HMCES: variants seen among roughly 807,000 people sequenced by gnomAD.
HMCES encodes the protein 5-hydroxymethylcytosine binding, ES cell specific, also known as abasic site processing protein HMCES.
In HMCES, 27 loss-of-function variants were observed where a neutral mutation model predicts 35.1. The ratio of observed to expected loss-of-function variants is 0.77; its 90% CI spans 0.57 to 1.06. The LOEUF (loss-of-function observed/expected upper bound fraction) is 1.06, where lower values mean the gene tolerates loss of function less well. Ranked by LOEUF, HMCES falls within the 50% of genes least tolerant of loss-of-function variation. HMCES has a pLI of 0.00. For synonymous variants in HMCES, 130 were observed against 154.7 expected (o/e 0.84, Z 1.18); for missense variants, 391 against 430.4 (o/e 0.91, Z 0.81).
chr3:129,304,808 C>T lies in HMCES; in HGVS notation c.1048C>T (p.Arg350Cys), dbSNP rs369963919. 62 of 1,613,954 alleles carry T rather than the reference C, an allele frequency of 3.8e-5. No homozygotes were observed. Among genetic ancestry groups the T allele is most frequent in the Non-Finnish European group, 5.1e-5 (60 of 1,179,958 alleles). ...GAAGGAGGAGGAACCTGTGGCCAAG[C>T]GTCCTTACAGCCAGTGACACAGGAC... ...REKEEEPVAKRPYSQ is the reference protein window; with the variant it reads ...REKEEEPVAKCPYSQ The change falls in exon 7 of 7, where the codon CGT becomes TGT. Residue 350 changes from arginine (R) to cysteine (C), a missense_variant. Physicochemically the swap from Arg to Cys is radical, Grantham distance 180 (BLOSUM62 -3). Coordinates refer to ENST00000383463, the MANE Select transcript of HMCES (RefSeq NM_020187.3).
At position 129,279,754 on chromosome 3, in the gene HMCES, C is replaced by A; in HGVS notation, c.22C>A (p.His8Asn). The A allele has an allele frequency of 1.2e-6, 2 of 1,612,838 alleles. No individual in the cohort carries two copies. The highest frequency in any genetic ancestry group is 1.7e-5 in the Admixed American group (1 of 59,592). MCGRTSCHLPRDVLTRAC... is the reference protein window; with the variant it reads MCGRTSCNLPRDVLTRAC... ...AAGAATGTGTGGGCGAACATCCTGTCACTTACCTAGAGATGTTCTCACGAG... is the reference window on the plus strand; with the variant it reads ...AAGAATGTGTGGGCGAACATCCTGTAACTTACCTAGAGATGTTCTCACGAG... Residue 8 changes from histidine to asparagine, a missense_variant, in exon 2 of 7, where the codon CAC (histidine) becomes AAC (asparagine). Coordinates refer to ENST00000383463, the MANE Select transcript of HMCES (RefSeq NM_020187.3). This position sits in a 1 kb window ranked among gnomAD's most constrained non-coding sequence, Gnocchi z 4.2.
At position 129,301,941 on chromosome 3, in the gene HMCES, C is replaced by T. The variant is rs780137547; in HGVS notation, c.636-9C>T. ...CTCTCCCAACCATTGTCTTAACTTC[C>T]CTGGCCAGGATGCCTGCCATATTAG... is the stretch of plus-strand genomic sequence containing the variant. On this transcript the variant is annotated splice_polypyrimidine_tract_variant and intron_variant, in intron 5 of 6. Transcript: ENST00000383463. 17 of 1,608,310 alleles carry T rather than the reference C, an allele frequency of 1.1e-5. No individual in the cohort carries two copies. Among genetic ancestry groups the T allele is most frequent in the East Asian group, 2.2e-5 (1 of 44,874 alleles).
chr3:129,281,588 G>A (rs538012948), intron 2 of HMCES, among the ~76,000 whole-genome samples: 1 of 152,288 alleles, frequency 6.6e-6, no homozygotes, highest in African/African-American at 2.4e-5. Context: ...CTACTTGGGA[G>A]GCTGAGGCAG....
intron 4 of HMCES, 105 bp from the exon 5 acceptor site, chr3:129,298,249 A>C (rs543994220): frequency 9.6e-7 from 1 of 1,045,422 alleles, no homozygotes; most frequent in African/African-American, 1.6e-5. Flanking sequence ...GGGCTGAATT[A>C]CTTTTAAAAT....
At position 129,288,953 on chromosome 3, in the gene HMCES, A is replaced by G; in HGVS notation, c.283A>G (p.Thr95Ala). 1 of 1,600,452 alleles carries G rather than the reference A, an allele frequency of 6.2e-7. No individual in the cohort carries two copies. Among genetic ancestry groups the G allele is most frequent in the East Asian group, 2.2e-5 (1 of 44,636 alleles). The change falls in exon 3 of 7, where the codon ACC becomes GCC. Residue 95 changes from threonine to alanine, a missense_variant. Physicochemically the swap from Thr to Ala is moderately conservative, Grantham distance 58 (BLOSUM62 0). Transcript: ENST00000383463. ...SDPSKLQFNT[T>A]NCRSDTVMEK... The stretch of plus-strand genomic sequence containing the variant: ...TCCTTCCAAGCTGCAGTTCAATACT[A>G]CCAACTGTCGTAGTGATACCGTAAT...
chr3:129,300,075 T>C (rs960308822), intron 5 of HMCES, among the ~76,000 whole-genome samples: 1 of 151,050 alleles, frequency 6.6e-6, no homozygotes, highest in Admixed American at 6.6e-5. Context: ...AAGCTTCTTT[T>C]CAATATTTAA....
chr3:129,279,380 C>T lies in HMCES; in HGVS notation c.-23-330C>T, dbSNP rs1940394431. On this transcript the variant is annotated intron_variant, in intron 1 of 6. Transcript: ENST00000383463. The surrounding 1 kb of genome is among the most constrained non-coding windows in gnomAD (Gnocchi z 4.2). ...CGGGGAGTTGGGGGCACCAAGTCACCCGGAGGAGGCGACCCCAGCTAGCTG... is the reference window on the plus strand; with the variant it reads ...CGGGGAGTTGGGGGCACCAAGTCACTCGGAGGAGGCGACCCCAGCTAGCTG... Among the ~76,000 whole-genome samples, 1 of 152,158 alleles carries T rather than the reference C, an allele frequency of 6.6e-6. No homozygotes were observed. Among genetic ancestry groups the T allele is most frequent in the African/African-American group, 2.4e-5 (1 of 41,470 alleles).
At chr3:129,304,314 G>T (rs532644425) in intron 6 of HMCES, among the ~76,000 whole-genome samples, 230 of 152,254 alleles carry the variant, frequency 1.5e-3, no homozygotes, top group Non-Finnish European at 2.7e-3. Context: ...CCCTGAGAAT[G>T]CTTCATTCTC....
Position 129,279,558 on chromosome 3 carries a change from C to T in HMCES, c.-23-152C>T, listed in dbSNP as rs947089097. ...AGGGAGCGAAGCAAACGGGCACATC[C>T]TTGTCTTTGTGGGACTTTTTGGGGA... On this transcript the variant is annotated intron_variant, in intron 1 of 6. Transcript: ENST00000383463. The surrounding 1 kb of genome is among the most constrained non-coding windows in gnomAD (Gnocchi z 4.2). Among the ~76,000 whole-genome samples, 1 of 152,226 alleles carries T rather than the reference C, an allele frequency of 6.6e-6. No homozygotes were observed. Among genetic ancestry groups the T allele is most frequent in the Non-Finnish European group, 1.5e-5 (1 of 68,038 alleles).
At position 129,305,049 on chromosome 3, in the gene HMCES, C is replaced by CCATA. The variant is rs2071218377; in HGVS notation, c.*225_*228dup. 5.3e-6 allele frequency: 3 copies of CCATA among 571,246 alleles called. No homozygotes were observed. The African/African-American group carries it at 5.6e-5, about 11-fold the overall frequency. 35.4% of individuals were successfully genotyped at this position (571,246 alleles called of 1,614,324 possible). On this transcript the variant is annotated 3_prime_UTR_variant, in exon 7 of 7. Transcript: ENST00000383463. ...GCTGCTGTTACCAGCCATGTGGGCC[C>CCATA]CATAGGGGCACTGCGCCTGCTGCCC...
chr3:129,287,159 C>T (rs1000424381), intron 2 of HMCES, among the ~76,000 whole-genome samples: 18 of 151,832 alleles, frequency 1.2e-4, no homozygotes, highest in Admixed American at 8.5e-4. Flanking sequence ...TCTCCAGCAA[C>T]GAAAAATGTA....
chr3:129,292,900 C>G (rs897542679), intron 4 of HMCES, among the ~76,000 whole-genome samples: 5 of 152,014 alleles, frequency 3.3e-5, no homozygotes, highest in Non-Finnish European at 7.4e-5. Context: ...GGAGTGGATT[C>G]TGGGATTAGT....
At chr3:129,303,719 C>T (rs370841904) in intron 6 of HMCES, among the ~76,000 whole-genome samples, 29 of 151,808 alleles carry the variant, frequency 1.9e-4, no homozygotes, top group African/African-American at 6.8e-4. Flanking sequence ...AGACGCTGCC[C>T]ATTTCTGCCA....
chr3:129,288,007 A>G lies in HMCES; in HGVS notation c.184-847A>G, dbSNP rs151157962. Among the ~76,000 whole-genome samples the G allele has an allele frequency of 9.6e-3, 1,460 of 152,326 alleles. 6 individuals carry two copies. Among genetic ancestry groups the G allele is most frequent in the Non-Finnish European group, 0.016 (1,085 of 68,030 alleles). On this transcript the variant is annotated intron_variant, in intron 2 of 6. Transcript: ENST00000383463. ...AGGAGGCAGAGGTTGCAATGAGCCA[A>G]GATCGTGCCACTGCACTCCAGCTTG...
chr3:129,303,544 A>C (rs1360842896), intron 6 of HMCES, among the ~76,000 whole-genome samples: 1 of 152,194 alleles, frequency 6.6e-6, no homozygotes, highest in East Asian at 1.9e-4. Context: ...CAAATTTTGG[A>C]ATATTTGCAT....
chr3:129,302,548 A>T (rs2071182333), intron 6 of HMCES, among the ~76,000 whole-genome samples: 1 of 152,026 alleles, frequency 6.6e-6, no homozygotes, highest in African/African-American at 2.4e-5. Context: ...CCCCGTCTCT[A>T]CTAAAAATAC....
At chr3:129,304,562 G>T (rs757155780) in intron 6 of HMCES, 27 bp from the exon 7 acceptor site, 1 of 1,596,932 alleles carries the variant, frequency 6.3e-7, no homozygotes, top group African/African-American at 1.3e-5. Context: ...GAGCTGTATG[G>T]TTTGAGCTTT....
rs202163093 is a variant in HMCES, at chr3:129,298,425, A to C, written c.525A>C (p.Thr175=). The change falls in exon 5 of 7, where the codon ACA becomes ACC. Residue 175 remains threonine (T), a synonymous_variant. Coordinates refer to ENST00000383463, the MANE Select transcript of HMCES (RefSeq NM_020187.3). ...EKVWDNWRLL[T]MAGIFDCWEP... ...TCTGGGACAACTGGAGGCTGCTGACAATGGCCGGGATCTTTGACTGCTGGG... is the reference window on the plus strand; with the variant it reads ...TCTGGGACAACTGGAGGCTGCTGACCATGGCCGGGATCTTTGACTGCTGGG... 6.2e-7 allele frequency: 1 copy of C among 1,614,170 alleles called. No individual in the cohort carries two copies. The highest frequency in any genetic ancestry group is 2.2e-5 in the East Asian group (1 of 44,882).
intron 2 of HMCES, 123 bp from the exon 3 acceptor site, chr3:129,288,731 C>A: frequency 1.2e-6 from 1 of 823,098 alleles, no homozygotes; most frequent in Non-Finnish European, 1.7e-6. Context: ...AGTAGATTCC[C>A]TGTTTAAAAA....
Sources: allele counts gnomAD v4.1 joint callset (sites outside exome capture counted in the v4.1 genomes callset), GRCh38; gene constraint gnomAD v4.1.1; non-coding constraint Gnocchi (gnomAD v3.1); transcripts MANE v1.5; gene names NCBI Gene and HGNC (gene_info 2026-07-23, HGNC 2026-07-21).